Variants in MAGI2 observed in about 807,000 individuals in gnomAD.
MAGI2 encodes the protein membrane associated guanylate kinase, WW and PDZ domain containing 2.
Under a neutral mutation model 133.3 loss-of-function variants are expected in MAGI2, and 35 were observed. That is an observed-to-expected ratio of 0.26 (90% CI 0.20 to 0.35). The LOEUF is 0.35. Ranked by LOEUF, MAGI2 falls within the 10% of genes least tolerant of loss-of-function variation. The pLI, the probability that MAGI2 is intolerant of heterozygous loss-of-function variation, is 1.00. For missense variants in MAGI2, 1,636 were observed against 1,863.4 expected, an observed-to-expected ratio of 0.88 and a Z score of 2.25; for synonymous variants, 729 against 710.6, an observed-to-expected ratio of 1.03 and a Z score of -0.41.
chr7:78,571,883 T>A (rs1451180108), intron 3 of MAGI2, among the ~76,000 whole-genome samples: 2 of 152,188 alleles, frequency 1.3e-5, no homozygotes, highest in African/African-American at 4.8e-5. Flanking sequence ...TTTTTCATAG[T>A]AACTTAAAAT....
chr7:78,143,518 TA>T (rs911650217), intron 16 of MAGI2, among the ~76,000 whole-genome samples: 1 of 152,278 alleles, frequency 6.6e-6, no homozygotes, highest in Non-Finnish European at 1.5e-5. Flanking sequence ...AAAAATTGTA[TA>T]AAAATTTCAA....
chr7:78,508,914 C>G (rs934370470), intron 4 of MAGI2, among the ~76,000 whole-genome samples: 14 of 142,016 alleles, frequency 9.9e-5, no homozygotes, highest in Non-Finnish European at 2.1e-4. Context: ...GAGACGGGGT[C>G]TTGTTCTGTC....
At chr7:79,094,956 A>C (rs550171896) in intron 1 of MAGI2, among the ~76,000 whole-genome samples, 36 of 152,160 alleles carry the variant, frequency 2.4e-4, no homozygotes, top group Non-Finnish European at 4.0e-4. Context: ...CACTAGCTTC[A>C]ATTTGAAGTC....
At chr7:78,440,788 C>A (rs1048846135) in intron 6 of MAGI2, among the ~76,000 whole-genome samples, 1 of 151,764 alleles carries the variant, frequency 6.6e-6, no homozygotes, top group Non-Finnish European at 1.5e-5. Flanking sequence ...CCCGCCTCTA[C>A]TAAAAGACAC....
intron 2 of MAGI2, among the ~76,000 whole-genome samples, chr7:78,800,863 A>C (rs1788003382): frequency 6.6e-6 from 1 of 152,124 alleles, no homozygotes; most frequent in Non-Finnish European, 1.5e-5. Flanking sequence ...TTCCAAGTGA[A>C]ACAATAGAGG....
At chr7:79,302,362 C>A (rs1389382441) in intron 1 of MAGI2, among the ~76,000 whole-genome samples, 1 of 152,154 alleles carries the variant, frequency 6.6e-6, no homozygotes, top group African/African-American at 2.4e-5. Flanking sequence ...ATATCTCCAG[C>A]AGCATTTCAC....
intron 2 of MAGI2, among the ~76,000 whole-genome samples, chr7:78,743,913 C>G (rs530985626): frequency 7.9e-5 from 12 of 152,228 alleles, no homozygotes; most frequent in Middle Eastern, 3.4e-3. Context: ...CTATCTGAAA[C>G]TTTGAAGCCC....
chr7:78,114,599 G>T (rs897692559), intron 20 of MAGI2, among the ~76,000 whole-genome samples: 80 of 152,350 alleles, frequency 5.3e-4, no homozygotes, highest in African/African-American at 1.7e-3. Context: ...AAGCCACCTG[G>T]GTCCTGAGGA....
intron 10 of MAGI2, among the ~76,000 whole-genome samples, chr7:78,219,568 C>A (rs1001579406): frequency 6.6e-6 from 1 of 152,130 alleles, no homozygotes; most frequent in African/African-American, 2.4e-5. Flanking sequence ...TCCTTCCCCC[C>A]CACCGATGTC....
intron 1 of MAGI2, among the ~76,000 whole-genome samples, chr7:79,408,179 G>A (rs1483262678): frequency 1.3e-5 from 2 of 151,998 alleles, no homozygotes; most frequent in Non-Finnish European, 2.9e-5. Context: ...TTAGAATTAA[G>A]ACAACAGAAA....
intron 1 of MAGI2, among the ~76,000 whole-genome samples, chr7:79,364,594 A>G (rs848909): frequency 0.35 from 53,686 of 151,822 alleles, 10,743 homozygotes; most frequent in African/African-American, 0.55. Context: ...AGAGATAGAC[A>G]TATAGATCAA....
At chr7:78,301,361 T>C (rs1272549090) in intron 9 of MAGI2, among the ~76,000 whole-genome samples, 2 of 152,146 alleles carry the variant, frequency 1.3e-5, no homozygotes, top group Non-Finnish European at 2.9e-5. Context: ...CCCAACAAAA[T>C]GTCTCTGACA....
At chr7:79,442,787 A>G (rs1848575910) in intron 1 of MAGI2, among the ~76,000 whole-genome samples, 2 of 152,104 alleles carry the variant, frequency 1.3e-5, no homozygotes, top group South Asian at 2.1e-4. Context: ...GACTTGCTAG[A>G]ATGGTAAGAT....
chr7:78,886,106 G>A (rs1563623777), intron 2 of MAGI2, among the ~76,000 whole-genome samples: 1 of 152,202 alleles, frequency 6.6e-6, no homozygotes, highest in Non-Finnish European at 1.5e-5. Context: ...ATTGCCCAAA[G>A]CAATTCTGCA....
chr7:78,548,934 G>T (rs900251676), intron 3 of MAGI2, among the ~76,000 whole-genome samples: 4 of 152,254 alleles, frequency 2.6e-5, no homozygotes, highest in South Asian at 2.1e-4. Context: ...GCTTTAAAAA[G>T]CATACTGCCT....
At chr7:79,425,781 G>T (rs572553423) in intron 1 of MAGI2, among the ~76,000 whole-genome samples, 1 of 151,724 alleles carries the variant, frequency 6.6e-6, no homozygotes, top group South Asian at 2.1e-4. Flanking sequence ...GAGAGAGAGG[G>T]TTGGGGGATG....
chr7:79,148,201 T>C (rs931845410), intron 1 of MAGI2, among the ~76,000 whole-genome samples: 4 of 152,154 alleles, frequency 2.6e-5, no homozygotes, highest in Non-Finnish European at 5.9e-5. Context: ...CTGGGCTGGA[T>C]TGGAGCGAGG....
At chr7:78,519,647 A>C (rs1158953052) in intron 4 of MAGI2, among the ~76,000 whole-genome samples, 2 of 152,208 alleles carry the variant, frequency 1.3e-5, no homozygotes, top group African/African-American at 4.8e-5. Flanking sequence ...GAATAGAAGG[A>C]AATTTGGCTT....
At chr7:79,199,132 AT>A (rs1263503222) in intron 1 of MAGI2, among the ~76,000 whole-genome samples, 4 of 152,080 alleles carry the variant, frequency 2.6e-5, no homozygotes, top group Non-Finnish European at 5.9e-5. Context: ...AGATTATTAC[AT>A]TGAAATACTA....
Sources: allele counts gnomAD v4.1 joint callset (sites outside exome capture counted in the v4.1 genomes callset), GRCh38; gene constraint gnomAD v4.1.1; transcripts MANE v1.5; gene names NCBI Gene and HGNC (gene_info 2026-07-23, HGNC 2026-07-21).